The following RGS6 variants were observed in gnomAD, a reference collection of about 807,000 sequenced individuals.
RGS6 encodes the protein regulator of G protein signaling 6.
RGS6 carries 30 observed loss-of-function variants against 78.5 expected under a neutral mutation model. That is an observed-to-expected ratio of 0.38 (90% CI 0.29 to 0.52). The LOEUF (loss-of-function observed/expected upper bound fraction) is 0.52. Ranked by LOEUF, RGS6 falls within the 20% of genes least tolerant of loss-of-function variation. The pLI is 0.85. For synonymous variants in RGS6, 206 were observed against 206.0 expected, an observed-to-expected ratio of 1.00 and a Z score of 0.00; for missense variants, 495 against 609.7, an observed-to-expected ratio of 0.81 and a Z score of 1.98.
At chr14:72,487,991 A>G (rs530228950) in intron 12 of RGS6, among the ~76,000 whole-genome samples, 47 of 152,306 alleles carry the variant, frequency 3.1e-4, no homozygotes, top group Admixed American at 5.9e-4. Context: ...CAATACGTGT[A>G]TGTCTCATTC....
intron 2 of RGS6, among the ~76,000 whole-genome samples, chr14:72,314,543 T>C (rs942939231): frequency 6.7e-6 from 1 of 149,406 alleles, no homozygotes; most frequent in Non-Finnish European, 1.5e-5. Context: ...TTTTTCCTGG[T>C]TGGGGGAGAC....
intron 2 of RGS6, among the ~76,000 whole-genome samples, chr14:72,037,183 A>G (rs567782443): frequency 3.9e-5 from 6 of 152,300 alleles, no homozygotes; most frequent in African/African-American, 1.4e-4. Flanking sequence ...ACTCTGTAAA[A>G]TGGACCAATC....
At chr14:72,380,392 A>G (rs2085757449) in intron 3 of RGS6, among the ~76,000 whole-genome samples, 1 of 152,110 alleles carries the variant, frequency 6.6e-6, no homozygotes, top group Non-Finnish European at 1.5e-5. Context: ...ACAGAATGAG[A>G]GAAAATATAT....
intron 1 of RGS6, among the ~76,000 whole-genome samples, chr14:71,948,199 T>C (rs1250415499): frequency 6.6e-6 from 1 of 152,200 alleles, no homozygotes; most frequent in African/African-American, 2.4e-5. Flanking sequence ...CTCACATCTT[T>C]TCAACAGTCA....
chr14:72,627,788 G>T, the RGS6 span, among the ~76,000 whole-genome samples: 1 of 152,052 alleles, frequency 6.6e-6, no homozygotes, highest in Non-Finnish European at 1.5e-5. Flanking sequence ...AAGATCATAG[G>T]ATGCCTTTCA....
intron 2 of RGS6, among the ~76,000 whole-genome samples, chr14:72,344,748 T>C (rs1339606328): frequency 6.6e-6 from 1 of 151,924 alleles, no homozygotes; most frequent in Non-Finnish European, 1.5e-5. Context: ...AGATAGAGGG[T>C]TTAATAAGAG....
chr14:72,064,296 G>A (rs551306641), intron 2 of RGS6, among the ~76,000 whole-genome samples: 42 of 152,274 alleles, frequency 2.8e-4, no homozygotes, highest in African/African-American at 9.6e-4. Flanking sequence ...TCAAGTCAAT[G>A]GATCCAGAGG....
At chr14:72,160,027 A>G (rs1336376023) in intron 2 of RGS6, among the ~76,000 whole-genome samples, 1 of 152,234 alleles carries the variant, frequency 6.6e-6, no homozygotes, top group Non-Finnish European at 1.5e-5. Flanking sequence ...TTTACCGATT[A>G]GATTGTGAGC....
At chr14:72,277,199 A>G (rs1407515650) in intron 2 of RGS6, among the ~76,000 whole-genome samples, 3 of 152,228 alleles carry the variant, frequency 2.0e-5, no homozygotes, top group Non-Finnish European at 4.4e-5. Context: ...ACAATAGTTT[A>G]AAATAGCAGG....
At chr14:72,480,898 T>C (rs2096363254) in intron 12 of RGS6, among the ~76,000 whole-genome samples, 1 of 152,064 alleles carries the variant, frequency 6.6e-6, no homozygotes, top group African/African-American at 2.4e-5. Context: ...CTGTGAGAAC[T>C]AATAGTGAGG....
At chr14:71,964,241 G>A (rs912061507) in intron 1 of RGS6, among the ~76,000 whole-genome samples, 16 of 152,056 alleles carry the variant, frequency 1.1e-4, no homozygotes, top group Middle Eastern at 3.2e-3. Flanking sequence ...GTGCGGTGGC[G>A]CACGCCTGTA....
At chr14:72,373,681 T>C (rs530448714) in intron 3 of RGS6, among the ~76,000 whole-genome samples, 1 of 152,316 alleles carries the variant, frequency 6.6e-6, no homozygotes, top group African/African-American at 2.4e-5. Flanking sequence ...AATCGTTTTG[T>C]CTTTGGCTAT....
Position 72,007,994 on chromosome 14 carries a change from T to C in RGS6, c.84+43119T>C, listed in dbSNP as rs1335598964. Among the ~76,000 whole-genome samples, 3 of 152,304 alleles carry C rather than the reference T, an allele frequency of 2.0e-5. No homozygotes were observed. The East Asian group carries it at 5.8e-4, about 29-fold the overall frequency. On this transcript the variant is annotated intron_variant, in intron 2 of 17. Transcript: ENST00000553525. The stretch of plus-strand genomic sequence containing the variant: ...GAAAACTAACTCCCCAAGCACATGT[T>C]ACCTTTCATGAAAATGAAAGGATGC...
At chr14:72,105,175 C>T (rs2095608510) in intron 2 of RGS6, among the ~76,000 whole-genome samples, 1 of 152,146 alleles carries the variant, frequency 6.6e-6, no homozygotes, top group Non-Finnish European at 1.5e-5. Context: ...CAAAGACCTC[C>T]CTGGACATTC....
At chr14:72,566,626 TTA>T, downstream of RGS6, 1 of 75,066 alleles carries the variant, frequency 1.3e-5, no homozygotes. Flanking sequence ...CCCTTCCCCA[TTA>T]TCACACACAC....
intron 5 of RGS6, among the ~76,000 whole-genome samples, chr14:72,459,142 A>G (rs1389786847): frequency 6.6e-6 from 1 of 152,106 alleles, no homozygotes; most frequent in African/African-American, 2.4e-5. Flanking sequence ...GCCTTCTCGG[A>G]GTGAAGTTTC....
chr14:72,334,507 G>A (rs894041429), intron 2 of RGS6, among the ~76,000 whole-genome samples: 1 of 152,202 alleles, frequency 6.6e-6, no homozygotes, highest in Non-Finnish European at 1.5e-5. Context: ...GGAGGGAGGG[G>A]TGCTTGGCTG....
chr14:72,147,084 A>T (rs1317970794), intron 2 of RGS6, among the ~76,000 whole-genome samples: 1 of 152,220 alleles, frequency 6.6e-6, no homozygotes, highest in African/African-American at 2.4e-5. Context: ...CATACTGATC[A>T]TGACGTCTTA....
At chr14:72,540,247 G>C in intron 17 of RGS6, 153 bp downstream of exon 17, 11 of 1,541,868 alleles carry the variant, frequency 7.1e-6, no homozygotes, top group Non-Finnish European at 8.6e-6. Flanking sequence ...TTTCTTTTGC[G>C]AGTGTCTGCA....
Sources: gnomAD v4.1 joint callset for allele counts (sites outside exome capture counted in the v4.1 genomes callset) on GRCh38, gnomAD v4.1.1 for gene constraint, MANE v1.5 for transcripts, NCBI Gene and HGNC (gene_info 2026-07-23, HGNC 2026-07-21) for gene names.